BTG3: variants seen among roughly 807,000 people sequenced by gnomAD.
BTG3 encodes protein BTG3.
BTG3 carries 4 observed loss-of-function variants against 25.8 expected under a neutral mutation model. The observed-to-expected ratio is 0.16, with a 90% CI of 0.08 to 0.36. BTG3 has a LOEUF of 0.36. Ranked by LOEUF, BTG3 falls within the 10% of genes least tolerant of loss-of-function variation. The pLI is 1.00. For missense variants in BTG3, 201 were observed against 304.9 expected (o/e 0.66, Z 2.54); for synonymous variants, 107 against 99.9 (o/e 1.07, Z -0.42).
Position 17,608,964 on chromosome 21 carries a change from T to A in BTG3, c.173+8A>T. On this transcript the variant is annotated splice_region_variant and intron_variant, in intron 2 of 4. Transcript: ENST00000348354. ...TCAGCCTCTGCTTAATCCAATCTAATCCTTTACCTGTAGGCCTGTCCTTTC... is the reference window on the plus strand; with the variant it reads ...TCAGCCTCTGCTTAATCCAATCTAAACCTTTACCTGTAGGCCTGTCCTTTC... The A allele has an allele frequency of 6.2e-7, 1 of 1,610,590 alleles. No homozygotes were observed. Among genetic ancestry groups the A allele is most frequent in the Non-Finnish European group, 8.5e-7 (1 of 1,178,954 alleles).
rs74382701 is a variant in BTG3 at position 17,594,088 on chromosome 21, C to A, written c.*5G>T. 1.3e-5 allele frequency: 21 copies of A among 1,611,318 alleles called. No homozygotes were observed. The highest frequency in any genetic ancestry group is 3.4e-6 in the Non-Finnish European group (4 of 1,178,516). On this transcript the variant is annotated 3_prime_UTR_variant, in exon 5 of 5. Coordinates refer to ENST00000348354, the MANE Select transcript of BTG3 (RefSeq NM_006806.5). Reference sequence around the variant, plus strand: ...AACATGACACCAACACAATCAAAAACGAAGTTAGTGAGGTGCTAACATGTG... The same window carrying A: ...AACATGACACCAACACAATCAAAAAAGAAGTTAGTGAGGTGCTAACATGTG...
At chr21:17,599,466 C>T (rs982859947) in intron 3 of BTG3, among the ~76,000 whole-genome samples, 1 of 145,664 alleles carries the variant, frequency 6.9e-6, no homozygotes, top group African/African-American at 2.6e-5. Flanking sequence ...AGGCATGCGC[C>T]ACTGGCTGAT....
intron 4 of BTG3, among the ~76,000 whole-genome samples, chr21:17,597,181 G>A (rs1181447981): frequency 6.6e-6 from 1 of 151,800 alleles, no homozygotes; most frequent in Non-Finnish European, 1.5e-5. Context: ...TCAACATGAG[G>A]GAAAATAAAT....
In BTG3 at chr21:17,610,982, G is replaced by C. The variant is rs1462955975; in HGVS notation, c.-9+1717C>G. Among the ~76,000 whole-genome samples the C allele has an allele frequency of 2.6e-5, 4 of 152,152 alleles. No individual in the cohort carries two copies. In the South Asian group the frequency reaches 6.2e-4, roughly 24 times the overall value. ...CCGCAGATAGCCTGATGGAGGGGAA[G>C]GCACACAAATCTTCCTCCCAGAACC... is the stretch of plus-strand genomic sequence containing the variant. On this transcript the variant is annotated intron_variant, in intron 1 of 4. Coordinates refer to ENST00000348354, the MANE Select transcript of BTG3 (RefSeq NM_006806.5).
intron 1 of BTG3, chr21:17,611,598 A>T (rs1204837416): frequency 1.3e-5 from 2 of 152,334 alleles, no homozygotes; most frequent in African/African-American, 2.4e-5. Context: ...GAACCACCAG[A>T]GGCAAGCAGG....
rs1463099855 is a variant in BTG3 at position 17,604,151 on chromosome 21, A to G, written c.311+709T>C. On this transcript the variant is annotated intron_variant, in intron 3 of 4. Coordinates refer to ENST00000348354, the MANE Select transcript of BTG3 (RefSeq NM_006806.5). ...GTATCACTCAGTCACTTACATAATC[A>G]AAAAGGAGGAGGCCGGGCGCAGTGG... 5.5e-6 allele frequency: 7 copies of G among 1,281,792 alleles called. No individual in the cohort carries two copies. The highest frequency in any genetic ancestry group is 7.1e-6 in the Non-Finnish European group (7 of 980,836). 79.4% of individuals were successfully genotyped at this position (1,281,792 alleles called of 1,614,324 possible). A position where few individuals can be genotyped will look rare whatever the true frequency, so the allele number is the denominator to read the frequency against.
Position 17,604,887 on chromosome 21 carries a change from CAG to C in BTG3, c.282_283del (p.Trp95GlyfsTer5). ...ACAGCACACCTCACATGGGTCCACC[CAG>C]AGAGTGAGCTCCTTTGGCAAGCCCA... On this transcript the variant is annotated frameshift_variant, in exon 3 of 5. Transcript: ENST00000348354. LOFTEE classifies it high-confidence loss of function. The C allele has an allele frequency of 6.2e-7, 1 of 1,614,126 alleles. No individual in the cohort carries two copies. Among genetic ancestry groups the C allele is most frequent in the East Asian group, 2.2e-5 (1 of 44,876 alleles).
chr21:17,611,422 G>A (rs769014559), intron 1 of BTG3, among the ~76,000 whole-genome samples: 28 of 152,100 alleles, frequency 1.8e-4, no homozygotes, highest in Admixed American at 1.8e-3. Context: ...AAGAAGGAAA[G>A]AACCACTTAG....
chr21:17,609,929 T>C (rs796841520), intron 1 of BTG3, among the ~76,000 whole-genome samples: 18 of 152,322 alleles, frequency 1.2e-4, no homozygotes, highest in African/African-American at 4.3e-4. Context: ...ACAATCTATA[T>C]GTTTACCAAT....
At chr21:17,609,819 C>A (rs750659993) in intron 1 of BTG3, among the ~76,000 whole-genome samples, 7 of 152,064 alleles carry the variant, frequency 4.6e-5, no homozygotes, top group African/African-American at 7.2e-5. Context: ...GAATATTATT[C>A]AGCAATGAAA....
intron 3 of BTG3, 32 bp from the exon 4 acceptor site, chr21:17,598,856 G>A (rs2061536404): frequency 1.3e-6 from 2 of 1,576,504 alleles, no homozygotes; most frequent in South Asian, 2.3e-5. Flanking sequence ...TACAAATCTT[G>A]AAGTCACATC....
Position 17,609,136 on chromosome 21 carries a change from ATTC to A in BTG3, c.6_8del (p.Lys2del), listed in dbSNP as rs1316149591. ...AAAAGAAGACAACGGCAGCAATTTC[ATTC>A]TTCATTTTTTTCCCTGCAAAGATAA... On this transcript the variant is annotated inframe_deletion, in exon 2 of 5. Transcript: ENST00000348354. 6.2e-7 allele frequency: 1 copy of A among 1,604,282 alleles called. No homozygotes were observed. Among genetic ancestry groups the A allele is most frequent in the Admixed American group, 1.7e-5 (1 of 57,228 alleles).
chr21:17,605,286 T>C (rs2061624557), intron 2 of BTG3, among the ~76,000 whole-genome samples: 1 of 151,988 alleles, frequency 6.6e-6, no homozygotes. Flanking sequence ...GAGCACGGAG[T>C]ATGAAAGTTG....
At chr21:17,603,981 C>G (rs1331854770) in intron 3 of BTG3, among the ~76,000 whole-genome samples, 1 of 152,182 alleles carries the variant, frequency 6.6e-6, no homozygotes, top group Non-Finnish European at 1.5e-5. Context: ...TTTGAAAACC[C>G]TACAACTGAG....
intron 4 of BTG3, among the ~76,000 whole-genome samples, chr21:17,597,272 GACTTACATTCTTGC>G (rs2061516048): frequency 6.6e-6 from 1 of 151,898 alleles, no homozygotes; most frequent in South Asian, 2.1e-4. Context: ...TTTAATTTGA[GACTTACATTCTTGC>G]TTAACAACAA....
At chr21:17,598,396 T>C (rs1040619909) in intron 4 of BTG3, among the ~76,000 whole-genome samples, 1 of 152,208 alleles carries the variant, frequency 6.6e-6, no homozygotes, top group African/African-American at 2.4e-5. Flanking sequence ...TTCTGAAATA[T>C]ATTTATCCTA....
At chr21:17,604,401 C>A (rs1016762799) in intron 3 of BTG3, 4 of 188,036 alleles carry the variant, frequency 2.1e-5, no homozygotes, top group Non-Finnish European at 4.5e-5. Flanking sequence ...GCCAAGAATG[C>A]ACCATTGCGC....
intron 1 of BTG3, among the ~76,000 whole-genome samples, chr21:17,609,391 T>C (rs563291327): frequency 1.3e-5 from 2 of 152,214 alleles, no homozygotes; most frequent in South Asian, 2.1e-4. Context: ...TCCATAAAGA[T>C]AGCACGTTGC....
chr21:17,596,801 A>G (rs564610354), intron 4 of BTG3, among the ~76,000 whole-genome samples: 1 of 152,180 alleles, frequency 6.6e-6, no homozygotes, highest in South Asian at 2.1e-4. Context: ...ATTGATACTG[A>G]ATTGGATCTA....
Sources: gnomAD v4.1 joint callset for allele counts (sites outside exome capture counted in the v4.1 genomes callset) on GRCh38, gnomAD v4.1.1 for gene constraint, MANE v1.5 for transcripts, NCBI Gene and HGNC (gene_info 2026-07-23, HGNC 2026-07-21) for gene names.